Variants in TRIB2 observed in about 807,000 individuals in gnomAD.
TRIB2 encodes the protein tribbles homolog 2.
A neutral mutation model predicts 26.8 loss-of-function variants in TRIB2; 2 were observed. The observed-to-expected ratio is 0.07, with a 90% CI of 0.03 to 0.24. TRIB2 has a LOEUF of 0.24. Among genes scored for constraint, TRIB2 ranks in the 10% least tolerant of loss-of-function variants. The pLI is 1.00. For missense variants in TRIB2, 306 were observed against 449.0 expected, an observed-to-expected ratio of 0.68 and a Z score of 2.88; for synonymous variants, 189 against 187.3, an observed-to-expected ratio of 1.01 and a Z score of -0.08.
At chr2:12,724,725 C>T (rs763182019) in intron 2 of TRIB2, 1 of 1,612,880 alleles carries the variant, frequency 6.2e-7, no homozygotes, top group Non-Finnish European at 8.5e-7. Flanking sequence ...TCCACCCTCC[C>T]CCTACCAGCC....
intron 2 of TRIB2, chr2:12,724,568 A>AG: frequency 6.4e-7 from 1 of 1,556,366 alleles, no homozygotes; most frequent in Admixed American, 1.9e-5. Flanking sequence ...CAAACTGAGA[A>AG]GGGGCAGCTG....
At chr2:12,737,835 G>A (rs1235698050) in intron 2 of TRIB2, among the ~76,000 whole-genome samples, 1 of 152,138 alleles carries the variant, frequency 6.6e-6, no homozygotes, top group Non-Finnish European at 1.5e-5. Flanking sequence ...ATGTTATGTT[G>A]TGTCTATTTT....
chr2:12,729,297 T>C (rs544870249), intron 2 of TRIB2, among the ~76,000 whole-genome samples: 2 of 152,320 alleles, frequency 1.3e-5, no homozygotes, highest in South Asian at 2.1e-4. Context: ...GGCTGTCTCA[T>C]GTTCACTGCT....
Position 12,732,109 on chromosome 2 carries a change from C to T in TRIB2, c.564-8217C>T, listed in dbSNP as rs10179713. On this transcript the variant is annotated intron_variant, in intron 2 of 2. Coordinates refer to ENST00000155926, the MANE Select transcript of TRIB2 (RefSeq NM_021643.4). This position sits in a 1 kb window ranked among gnomAD's most constrained non-coding sequence, Gnocchi z 4.2. Reference sequence around the variant, plus strand: ...ATGGACTTCCTCTGTGAAGCCCTGGCGGCCTGCAGGCTGTGCTTGTGTGGT... The same window carrying T: ...ATGGACTTCCTCTGTGAAGCCCTGGTGGCCTGCAGGCTGTGCTTGTGTGGT... 0.26 allele frequency among the ~76,000 whole-genome samples: 38,861 copies of T among 151,978 alleles called. 6,985 individuals carry two copies. Among genetic ancestry groups the T allele is most frequent in the African/African-American group, 0.51 (20,947 of 41,402 alleles).
In TRIB2 at chr2:12,717,142, C is replaced by G. The variant is rs1666609311; in HGVS notation, c.-1166C>G. On this transcript the variant is annotated 5_prime_UTR_variant, in exon 1 of 3. Transcript: ENST00000155926. The surrounding 1 kb of genome is among the most constrained non-coding windows in gnomAD (Gnocchi z 4.8). The stretch of plus-strand genomic sequence containing the variant: ...CCCTCTTTTCTCTGGGGGGGGCAAG[C>G]AAGAAATCAAAGAAGGAGGAGACAA... 1 of 380,210 alleles carries G rather than the reference C, an allele frequency of 2.6e-6. No homozygotes were observed. Among genetic ancestry groups the G allele is most frequent in the Non-Finnish European group, 4.6e-6 (1 of 215,356 alleles). The allele number at this position is 380,210 out of a possible 1,614,324, so 23.6% of individuals were successfully genotyped here.
At chr2:12,739,089 A>G (rs916051188) in intron 2 of TRIB2, among the ~76,000 whole-genome samples, 1 of 152,126 alleles carries the variant, frequency 6.6e-6, no homozygotes, top group Non-Finnish European at 1.5e-5. Flanking sequence ...GGTTCTGTTC[A>G]CACACACCCT....
chr2:12,730,132 A>G (rs935831075), intron 2 of TRIB2, among the ~76,000 whole-genome samples: 1 of 152,168 alleles, frequency 6.6e-6, no homozygotes, highest in African/African-American at 2.4e-5. Flanking sequence ...TGAGACCTAC[A>G]TTTCAATGAA....
At position 12,741,692 on chromosome 2, in the gene TRIB2, C is replaced by T. The variant is rs1314142627; in HGVS notation, c.*898C>T. ...CAATGGCCTGAGATTTTAGCAAGCTCCTGGAGTCTGATGCTTTTGCAGTAC... is the reference window on the plus strand; with the variant it reads ...CAATGGCCTGAGATTTTAGCAAGCTTCTGGAGTCTGATGCTTTTGCAGTAC... On this transcript the variant is annotated 3_prime_UTR_variant, in exon 3 of 3. Coordinates refer to ENST00000155926, the MANE Select transcript of TRIB2 (RefSeq NM_021643.4). The T allele has an allele frequency of 2.0e-5, 3 of 152,482 alleles. No individual in the cohort carries two copies. Among genetic ancestry groups the T allele is most frequent in the South Asian group, 4.1e-4 (2 of 4,828 alleles). 9.4% of individuals were successfully genotyped at this position (152,482 alleles called of 1,614,324 possible).
rs1253599881 is a variant in TRIB2, at chr2:12,740,621, A to T, written c.859A>T (p.Ser287Cys). ...LSPKAKCLIR[S>C]ILRREPSERL... ...GCCCAAGGCCAAGTGCCTCATCCGA[A>T]GCATTCTGCGTCGGGAGCCCTCAGA... Residue 287 changes from serine to cysteine, a missense_variant, in exon 3 of 3, where the codon AGC becomes TGC. Coordinates refer to ENST00000155926, the MANE Select transcript of TRIB2 (RefSeq NM_021643.4). The surrounding 1 kb of genome is among the most constrained non-coding windows in gnomAD (Gnocchi z 5.8). 10 of 1,614,180 alleles carry T rather than the reference A, an allele frequency of 6.2e-6. No individual in the cohort carries two copies. The highest frequency in any genetic ancestry group is 5.9e-6 in the Non-Finnish European group (7 of 1,180,030).
intron 2 of TRIB2, among the ~76,000 whole-genome samples, chr2:12,736,398 A>G (rs115536953): frequency 8.4e-4 from 128 of 152,278 alleles, no homozygotes; most frequent in African/African-American, 2.1e-3. Flanking sequence ...GACAAGACTG[A>G]GCGAGGAGAA....
rs1213352576 is a variant in TRIB2, at chr2:12,718,396, T to C, written c.89T>C (p.Ile30Thr). ...KTQDFEELSS[I>T]RSAEPSQSFS... ...CAGGATTTCGAAGAGTTGTCGTCTA[T>C]AAGGTCCGCGGAGCCCAGCCAGAGT... The change falls in exon 1 of 3, where the codon ATA becomes ACA. Residue 30 changes from isoleucine to threonine, a missense_variant. Physicochemically the swap from Ile to Thr is moderately conservative, Grantham distance 89. Transcript: ENST00000155926. The surrounding 1 kb of genome is among the most constrained non-coding windows in gnomAD (Gnocchi z 4.0). 3 of 1,614,156 alleles carry C rather than the reference T, an allele frequency of 1.9e-6. No individual in the cohort carries two copies. Among genetic ancestry groups the C allele is most frequent in the Non-Finnish European group, 1.7e-6 (2 of 1,180,034 alleles).
intron 2 of TRIB2, among the ~76,000 whole-genome samples, chr2:12,734,303 C>T (rs1238638038): frequency 6.6e-6 from 1 of 152,128 alleles, no homozygotes; most frequent in East Asian, 1.9e-4. Flanking sequence ...TTATTCTTCT[C>T]GGACTGTTTC....
chr2:12,723,317 C>A lies in TRIB2; in HGVS notation c.328C>A (p.His110Asn). 1 of 1,614,256 alleles carries A rather than the reference C, an allele frequency of 6.2e-7. No homozygotes were observed. The highest frequency in any genetic ancestry group is 8.5e-7 in the Non-Finnish European group (1 of 1,180,052). The change falls in exon 2 of 3, where the codon CAT becomes AAT. Residue 110 changes from histidine to asparagine, a missense_variant. Around this residue, in one of 4 missense-constraint regions of TRIB2, gnomAD observed 118 missense variants for 188.8 expected, o/e 0.63. Coordinates refer to ENST00000155926, the MANE Select transcript of TRIB2 (RefSeq NM_021643.4). ...GGCACCGTGCTTTTGCCTGTCTGCT[C>A]ATAGTAACATCAACCAAATCACTGA... ...SLAPCFCLSA[H>N]SNINQITEII...
In TRIB2 at chr2:12,718,415, C is replaced by T; in HGVS notation, c.108C>T (p.Ser36=). The T allele has an allele frequency of 6.2e-7, 1 of 1,614,250 alleles. No homozygotes were observed. The highest frequency in any genetic ancestry group is 8.5e-7 in the Non-Finnish European group (1 of 1,180,050). ...CGTCTATAAGGTCCGCGGAGCCCAG[C>T]CAGAGTTTCAGCCCGAACCTCGGCT... ...ELSSIRSAEP[S]QSFSPNLGSP... Residue 36 remains serine (S), a synonymous_variant, in exon 1 of 3, where the codon AGC becomes AGT. Transcript: ENST00000155926. The surrounding 1 kb of genome is among the most constrained non-coding windows in gnomAD (Gnocchi z 4.0).
chr2:12,740,206 G>GTGAA lies in TRIB2; in HGVS notation c.564-109_564-106dup. On this transcript the variant is annotated intron_variant, in intron 2 of 2. Coordinates refer to ENST00000155926, the MANE Select transcript of TRIB2 (RefSeq NM_021643.4). This position sits in a 1 kb window ranked among gnomAD's most constrained non-coding sequence, Gnocchi z 5.8. ...AATGTTTGGCTGGTCAGATGAATGC[G>GTGAA]TGAATGAATGAATGTGAATGAGGAG... 2 of 981,026 alleles carry GTGAA rather than the reference G, an allele frequency of 2.0e-6. No homozygotes were observed. Among genetic ancestry groups the GTGAA allele is most frequent in the Non-Finnish European group, 3.0e-6 (2 of 657,140 alleles). 60.8% of individuals were successfully genotyped at this position (981,026 alleles called of 1,614,324 possible). A position where few individuals can be genotyped will look rare whatever the true frequency, so the allele number is the denominator to read the frequency against.
rs768429546 is a variant in TRIB2 at position 12,740,835 on chromosome 2, C to T, written c.*41C>T. The stretch of plus-strand genomic sequence containing the variant: ...AGACTTAGCAGGTTCCAGGAGTGAG[C>T]GAGGGCAGCGGAAAGGAGTTCTTCC... On this transcript the variant is annotated 3_prime_UTR_variant, in exon 3 of 3. Transcript: ENST00000155926. The surrounding 1 kb of genome is among the most constrained non-coding windows in gnomAD (Gnocchi z 5.8). 62 of 1,559,924 alleles carry T rather than the reference C, an allele frequency of 4.0e-5. No individual in the cohort carries two copies. Among genetic ancestry groups the T allele is most frequent in the East Asian group, 6.7e-5 (3 of 44,476 alleles).
At chr2:12,720,656 AC>A (rs1661194220) in intron 1 of TRIB2, among the ~76,000 whole-genome samples, 1 of 152,198 alleles carries the variant, frequency 6.6e-6, no homozygotes, top group Non-Finnish European at 1.5e-5. Context: ...CTGTGTGTTG[AC>A]CAATGAAAAA....
chr2:12,719,388 C>T (rs942175323), intron 1 of TRIB2, among the ~76,000 whole-genome samples: 4 of 152,020 alleles, frequency 2.6e-5, no homozygotes, highest in African/African-American at 4.8e-5. Context: ...TTGTCTTTAA[C>T]CCTGAACAGT....
intron 2 of TRIB2, among the ~76,000 whole-genome samples, chr2:12,734,519 A>G (rs1272958981): frequency 2.0e-5 from 3 of 152,202 alleles, no homozygotes; most frequent in East Asian, 3.9e-4. Context: ...TATCTTCTCC[A>G]CTAGGCTTTT....
Sources: allele counts gnomAD v4.1 joint callset (sites outside exome capture counted in the v4.1 genomes callset), GRCh38; gene constraint gnomAD v4.1.1; regional missense constraint gnomAD v4.1.1; non-coding constraint Gnocchi (gnomAD v3.1); transcripts MANE v1.5; gene names NCBI Gene and HGNC (gene_info 2026-07-23, HGNC 2026-07-21).